MYRFL: variants seen among roughly 807,000 people sequenced by gnomAD.
MYRFL encodes the protein myelin regulatory factor like, also known as myelin regulatory factor-like protein.
In MYRFL, 88 loss-of-function variants were observed where a neutral mutation model predicts 109.4. The ratio of observed to expected loss-of-function variants is 0.80; its 90% CI spans 0.68 to 0.96. The LOEUF (loss-of-function observed/expected upper bound fraction) is 0.96. Among genes scored for constraint, MYRFL ranks in the 40% least tolerant of loss-of-function variants. MYRFL has a pLI of 0.00. For synonymous variants in MYRFL, 324 were observed against 320.9 expected, an observed-to-expected ratio of 1.01 and a Z score of -0.10; for missense variants, 957 against 954.9, an observed-to-expected ratio of 1.00 and a Z score of -0.03.
Position 69,936,607 on chromosome 12 carries a change from G to A in MYRFL, c.2199G>A (p.Lys733=). The A allele has an allele frequency of 1.3e-6, 2 of 1,531,386 alleles. No homozygotes were observed. Among genetic ancestry groups the A allele is most frequent in the Non-Finnish European group, 1.7e-6 (2 of 1,143,778 alleles). 94.9% of individuals were successfully genotyped at this position (1,531,386 alleles called of 1,614,324 possible). The part of the protein sequence containing the change: ...SSPVQRQSEE[K]EFHQRRWSED... The stretch of plus-strand genomic sequence containing the variant: ...CTGTGCAAAGACAATCTGAGGAGAA[G>A]GAATTCCATCAGAGGCGATGGTCAG... Residue 733 remains lysine (K), a synonymous_variant, in exon 19 of 25, where the codon AAG becomes AAA. Coordinates refer to ENST00000552032, the MANE Select transcript of MYRFL (RefSeq NM_182530.3).
rs1229991582 is a variant in MYRFL, at chr12:69,932,539, G to A, written c.1857G>A (p.Ala619=). 1.0e-5 allele frequency: 16 copies of A among 1,536,008 alleles called. No individual in the cohort carries two copies. The highest frequency in any genetic ancestry group is 4.9e-5 in the East Asian group (2 of 40,904). ...TTTATTTTTCAGGAAAAAGACAGGC[G>A]TGTCCTAATTGGGTTTTCCAGACCT... ...NKVYFSGKRQ[A]CPNWVFQTLV... is the part of the protein sequence containing the mutation. The change falls in exon 16 of 25, where the codon GCG becomes GCA. Residue 619 remains alanine (A), a synonymous_variant. Transcript: ENST00000552032.
intron 19 of MYRFL, among the ~76,000 whole-genome samples, chr12:69,945,519 A>G (rs974307226): frequency 1.3e-5 from 2 of 152,208 alleles, no homozygotes; most frequent in Non-Finnish European, 2.9e-5. Context: ...AGTAGGCTAT[A>G]CAATCTAGGT....
chr12:69,895,787 T>G (rs1953973395), intron 9 of MYRFL, among the ~76,000 whole-genome samples: 1 of 152,210 alleles, frequency 6.6e-6, no homozygotes, highest in Admixed American at 6.5e-5. Flanking sequence ...ATCCACAGAT[T>G]GAGGGCTGGC....
At chr12:69,943,548 A>T (rs1480115731) in intron 19 of MYRFL, among the ~76,000 whole-genome samples, 3 of 141,658 alleles carry the variant, frequency 2.1e-5, no homozygotes, top group Non-Finnish European at 4.6e-5. Context: ...TGGATTAAAG[A>T]CTTACATGTT....
intron 11 of MYRFL, among the ~76,000 whole-genome samples, chr12:69,909,045 A>G (rs914573893): frequency 6.6e-6 from 1 of 152,222 alleles, no homozygotes; most frequent in Non-Finnish European, 1.5e-5. Context: ...TTGGTTTGCT[A>G]AGGATAATGG....
At position 69,910,902 on chromosome 12, in the gene MYRFL, C is replaced by A. The variant is rs1012470689; in HGVS notation, c.1574C>A (p.Thr525Asn). 2.0e-6 allele frequency: 3 copies of A among 1,534,796 alleles called. No individual in the cohort carries two copies. Among genetic ancestry groups the A allele is most frequent in the Non-Finnish European group, 2.6e-6 (3 of 1,146,058 alleles). ...GATGTCACCTGCGGAAACGGAGAGA[C>A]CTTGGAGAACTTCCTCATGGTGGAT... is the stretch of plus-strand genomic sequence containing the variant. The part of the protein sequence containing the change: ...VGDVTCGNGE[T>N]LENFLMVDKD... Residue 525 changes from threonine to asparagine, a missense_variant, in exon 13 of 25, where the codon ACC becomes AAC. Thr to Asn is a moderately conservative substitution (Grantham distance 65, BLOSUM62 0). Transcript: ENST00000552032.
intron 10 of MYRFL, among the ~76,000 whole-genome samples, chr12:69,902,243 G>A (rs1294214383): frequency 6.6e-6 from 1 of 152,150 alleles, no homozygotes; most frequent in Non-Finnish European, 1.5e-5. Context: ...AGTCTTCCAA[G>A]CAGCTCAGGG....
chr12:69,920,307 T>C (rs984875638), intron 13 of MYRFL, among the ~76,000 whole-genome samples: 3 of 152,178 alleles, frequency 2.0e-5, no homozygotes, highest in Non-Finnish European at 4.4e-5. Context: ...AAAAAGGAAT[T>C]TGGACCTTAG....
rs754643090 is a variant in MYRFL at position 69,880,276 on chromosome 12, C to T, written c.540C>T (p.Ala180=). 8 of 702,538 alleles carry T rather than the reference C, an allele frequency of 1.1e-5. 1 individual carries two copies. In the Admixed American group the frequency reaches 1.2e-4, roughly 11 times the overall value. 43.5% of individuals were successfully genotyped at this position (702,538 alleles called of 1,614,324 possible). A position where few individuals can be genotyped will look rare whatever the true frequency, so the allele number is the denominator to read the frequency against. ...LEDSGECRVW[A]CHCRPMTSRS... ...ACTCCGGGGAATGCCGAGTGTGGGC[C>T]TGCCACTGCAGACCGAGTGAGCAAA... The change falls in exon 5 of 25, where the codon GCC becomes GCT. Residue 180 remains alanine (A), a synonymous_variant. Coordinates refer to ENST00000552032, the MANE Select transcript of MYRFL (RefSeq NM_182530.3).
chr12:69,926,108 C>T (rs1239819), intron 13 of MYRFL, among the ~76,000 whole-genome samples: 60,834 of 94,568 alleles, frequency 0.64, 18,701 homozygotes, highest in East Asian at 0.96. Context: ...GACTTTCTTT[C>T]TTCTTCTTCT....
intron 2 of MYRFL, 126 bp from the exon 3 acceptor site, chr12:69,878,902 C>G (rs1407789097): frequency 9.0e-6 from 6 of 663,114 alleles, no homozygotes; most frequent in African/African-American, 5.3e-5. Flanking sequence ...AACCCCTCAC[C>G]CCCCCATGCC....
chr12:69,870,227 A>ATTTT (rs71094744), intron 2 of MYRFL, among the ~76,000 whole-genome samples: 1 of 110,708 alleles, frequency 9.0e-6, no homozygotes, highest in Non-Finnish European at 1.8e-5. Flanking sequence ...CGTCTGGCTA[A>ATTTT]TTTTTTTTTT....
At chr12:69,848,464 T>C (rs1284614738) in intron 1 of MYRFL, among the ~76,000 whole-genome samples, 1 of 152,092 alleles carries the variant, frequency 6.6e-6, no homozygotes, top group African/African-American at 2.4e-5. Flanking sequence ...ATTTTAGAGT[T>C]TCTTCTTTTG....
intron 12 of MYRFL, among the ~76,000 whole-genome samples, 190 bp downstream of exon 12, chr12:69,910,267 C>A (rs1954516214): frequency 6.6e-6 from 1 of 150,950 alleles, no homozygotes; most frequent in African/African-American, 2.5e-5. Context: ...TCAACACCCC[C>A]ACTCCTCCAC....
chr12:69,837,926 T>C (rs534448623), intron 1 of MYRFL, among the ~76,000 whole-genome samples: 11 of 152,338 alleles, frequency 7.2e-5, no homozygotes, highest in African/African-American at 2.6e-4. Flanking sequence ...TTGTAGCCTC[T>C]GCACCTAGGG....
intron 2 of MYRFL, among the ~76,000 whole-genome samples, chr12:69,872,052 C>T (rs1024875382): frequency 1.3e-4 from 17 of 133,530 alleles, no homozygotes; most frequent in African/African-American, 3.5e-4. Flanking sequence ...TTTTGCTTTG[C>T]GTATTTTGAA....
chr12:69,833,473 A>T (rs913495520), intron 1 of MYRFL, among the ~76,000 whole-genome samples: 1 of 152,226 alleles, frequency 6.6e-6, no homozygotes, highest in Non-Finnish European at 1.5e-5. Context: ...TGTGATCAGT[A>T]AGAAAACCAC....
chr12:69,845,046 A>T (rs571117089), intron 1 of MYRFL, among the ~76,000 whole-genome samples: 3 of 152,212 alleles, frequency 2.0e-5, no homozygotes, highest in East Asian at 3.9e-4. Context: ...TCCACCTGGC[A>T]CGCTCTGCCC....
chr12:69,955,733 G>C (rs1956078284), intron 22 of MYRFL, among the ~76,000 whole-genome samples: 2 of 152,080 alleles, frequency 1.3e-5, no homozygotes, highest in South Asian at 4.1e-4. Context: ...TTTCTCACTT[G>C]GTGAGAGAGA....
Sources: allele counts gnomAD v4.1 joint callset (sites outside exome capture counted in the v4.1 genomes callset), GRCh38; gene constraint gnomAD v4.1.1; transcripts MANE v1.5; gene names NCBI Gene and HGNC (gene_info 2026-07-23, HGNC 2026-07-21).